The following TMEM116 variants were observed in gnomAD, a reference collection of about 807,000 sequenced individuals.
TMEM116 encodes the protein transmembrane protein 116.
Under a neutral mutation model 44.3 loss-of-function variants are expected in TMEM116, and 38 were observed. The observed-to-expected ratio is 0.86, with a 90% CI of 0.66 to 1.12. TMEM116 has a LOEUF of 1.12. Ranked by LOEUF, TMEM116 falls within the 50% of genes most tolerant of loss-of-function variation. The probability of loss-of-function intolerance (pLI) is 0.00; values close to 1 mark genes in which losing one functional copy is unlikely to be tolerated. For synonymous variants in TMEM116, 132 were observed against 144.8 expected, an observed-to-expected ratio of 0.91 and a Z score of 0.64; for missense variants, 354 against 401.7, an observed-to-expected ratio of 0.88 and a Z score of 1.01.
At chr12:111,961,737 G>GA (rs1238343022) in intron 4 of TMEM116, among the ~76,000 whole-genome samples, 5 of 152,182 alleles carry the variant, frequency 3.3e-5, no homozygotes, top group African/African-American at 1.2e-4. Flanking sequence ...AAAACTGGAA[G>GA]CATTCCCTTT....
chr12:111,953,468 G>A (rs558381066), intron 4 of TMEM116, among the ~76,000 whole-genome samples: 64 of 152,300 alleles, frequency 4.2e-4, no homozygotes, highest in African/African-American at 1.4e-3. Context: ...CCTGACAAAT[G>A]GAGCCAGGGA....
chr12:111,991,963 AT>A, intron 3 of TMEM116, 74 bp from the exon 4 acceptor site: 1 of 1,430,424 alleles, frequency 7.0e-7, no homozygotes, highest in Non-Finnish European at 9.3e-7. Context: ...CAGTTCTTAC[AT>A]TTTATGTTTC....
At chr12:112,008,716 A>C (rs2077701059) in intron 1 of TMEM116, among the ~76,000 whole-genome samples, 1 of 152,188 alleles carries the variant, frequency 6.6e-6, no homozygotes, top group Non-Finnish European at 1.5e-5. Context: ...GTACGCCTGT[A>C]ATCCCAGCAC....
At chr12:111,989,934 T>C (rs11066114) in intron 4 of TMEM116, among the ~76,000 whole-genome samples, 2,287 of 152,220 alleles carry the variant, frequency 0.015, 66 homozygotes, top group African/African-American at 0.051. Context: ...TAGTTTACTA[T>C]AGATACAGCT....
Position 111,932,571 on chromosome 12 carries a change from T to A in TMEM116, c.807+15A>T. On this transcript the variant is annotated intron_variant, in intron 10 of 10. Coordinates refer to ENST00000552374, the MANE Select transcript of TMEM116 (RefSeq NM_001193531.2). ...CGGGTGTAAGAACAGAGATACTGAA[T>A]GTTGAAGGTGTTACCTGGAGAACAT... The A allele has an allele frequency of 6.2e-7, 1 of 1,608,946 alleles. No individual in the cohort carries two copies. The highest frequency in any genetic ancestry group is 8.5e-7 in the Non-Finnish European group (1 of 1,175,322).
intron 4 of TMEM116, among the ~76,000 whole-genome samples, chr12:111,950,783 A>T (rs2073676450): frequency 6.6e-6 from 1 of 152,220 alleles, no homozygotes; most frequent in Admixed American, 6.5e-5. Flanking sequence ...CAAAGATTTC[A>T]TGACAAAGAC....
In TMEM116 at chr12:111,933,917, G is replaced by A. The variant is rs750688036; in HGVS notation, c.702C>T (p.Tyr234=). ...CCCAGCAGCAAAAGAAGGCCACTGG[G>A]TAGAAGCGCACCCGTTGGTCCACAA... The part of the protein sequence containing the change: ...IHIVDQRVRF[Y]PVAFFCCWGP... The change falls in exon 9 of 11, where the codon TAC becomes TAT. Residue 234 remains tyrosine, a synonymous_variant. Coordinates refer to ENST00000552374, the MANE Select transcript of TMEM116 (RefSeq NM_001193531.2). The A allele has an allele frequency of 1.9e-6, 3 of 1,613,914 alleles. No homozygotes were observed. The highest frequency in any genetic ancestry group is 1.3e-5 in the African/African-American group (1 of 74,880).
At chr12:111,950,629 A>G (rs1483603429) in intron 4 of TMEM116, among the ~76,000 whole-genome samples, 1 of 152,194 alleles carries the variant, frequency 6.6e-6, no homozygotes, top group East Asian at 1.9e-4. Context: ...GGCTAGCCAT[A>G]TGCAGAAGAT....
intron 3 of TMEM116, 50 bp from the exon 4 acceptor site, chr12:111,991,939 T>A (rs1239789809): frequency 6.7e-7 from 1 of 1,501,210 alleles, no homozygotes; most frequent in Non-Finnish European, 8.9e-7. Flanking sequence ...GCTAGGAGAA[T>A]GTTAACAATG....
At chr12:111,956,305 T>C (rs2074082106) in intron 4 of TMEM116, among the ~76,000 whole-genome samples, 1 of 152,162 alleles carries the variant, frequency 6.6e-6, no homozygotes, top group Non-Finnish European at 1.5e-5. Flanking sequence ...TCTACCCCAG[T>C]GGAAGATGGA....
intron 4 of TMEM116, among the ~76,000 whole-genome samples, chr12:111,958,136 C>G (rs1456121575): frequency 6.6e-6 from 1 of 151,840 alleles, no homozygotes; most frequent in Non-Finnish European, 1.5e-5. Context: ...ACAAACACTG[C>G]GGAAGGCGGC....
intron 2 of TMEM116, among the ~76,000 whole-genome samples, chr12:112,004,807 T>G (rs2077489749): frequency 6.6e-6 from 1 of 151,940 alleles, no homozygotes; most frequent in South Asian, 2.1e-4. Flanking sequence ...TTGTTTGTTT[T>G]GTTTTGTTTT....
chr12:111,957,927 T>C (rs1428359520), intron 4 of TMEM116, among the ~76,000 whole-genome samples: 4 of 152,318 alleles, frequency 2.6e-5, no homozygotes, highest in South Asian at 2.1e-4. Flanking sequence ...TGTTCTGTAC[T>C]AGGAAAAATT....
intron 2 of TMEM116, 98 bp from the exon 3 acceptor site, chr12:112,003,961 T>C: frequency 7.2e-7 from 1 of 1,386,872 alleles, no homozygotes; most frequent in Non-Finnish European, 9.3e-7. Context: ...TTTATTGGCA[T>C]AATTGATATA....
At chr12:111,955,051 T>C (rs1403140634) in intron 4 of TMEM116, among the ~76,000 whole-genome samples, 5 of 152,190 alleles carry the variant, frequency 3.3e-5, no homozygotes, top group Admixed American at 2.6e-4. Flanking sequence ...TTAGGTTAGA[T>C]AACAAGGAGA....
At chr12:111,966,357 C>T (rs1205297416) in intron 4 of TMEM116, among the ~76,000 whole-genome samples, 2 of 151,992 alleles carry the variant, frequency 1.3e-5, no homozygotes, top group Non-Finnish European at 1.5e-5. Flanking sequence ...AAGGTGATCT[C>T]GTCAACTACT....
intron 4 of TMEM116, among the ~76,000 whole-genome samples, chr12:111,982,239 T>C (rs1258951662): frequency 6.6e-6 from 1 of 152,094 alleles, no homozygotes; most frequent in African/African-American, 2.4e-5. Flanking sequence ...TTGACTAGCA[T>C]GATTTAGCCA....
At chr12:111,950,679 A>T (rs2073666672) in intron 4 of TMEM116, among the ~76,000 whole-genome samples, 1 of 152,124 alleles carries the variant, frequency 6.6e-6, no homozygotes, top group African/African-American at 2.4e-5. Context: ...ATAAAAATTA[A>T]CTCAAGATGG....
chr12:111,991,044 C>T (rs1054378334), intron 4 of TMEM116, among the ~76,000 whole-genome samples: 1 of 151,750 alleles, frequency 6.6e-6, no homozygotes, highest in Non-Finnish European at 1.5e-5. Context: ...CATGGTGAAA[C>T]CCCATCTCTA....
Sources: gnomAD v4.1 joint callset for allele counts (sites outside exome capture counted in the v4.1 genomes callset) on GRCh38, gnomAD v4.1.1 for gene constraint, MANE v1.5 for transcripts, NCBI Gene and HGNC (gene_info 2026-07-23, HGNC 2026-07-21) for gene names.